Variants in SCMH1 observed in about 807,000 individuals in gnomAD.
SCMH1 encodes the protein Scm polycomb group protein homolog 1.
A neutral mutation model predicts 70.8 loss-of-function variants in SCMH1; 37 were observed. The ratio of observed to expected loss-of-function variants is 0.52; its 90% CI spans 0.40 to 0.69. The LOEUF (loss-of-function observed/expected upper bound fraction) is 0.69. SCMH1 is among the 30% of genes least tolerant of loss of function. The pLI is 0.00. For missense variants in SCMH1, 607 were observed against 827.3 expected, an observed-to-expected ratio of 0.73 and a Z score of 3.27; for synonymous variants, 292 against 307.4, an observed-to-expected ratio of 0.95 and a Z score of 0.52.
At chr1:41,122,038 A>G (rs1672077739) in intron 6 of SCMH1, among the ~76,000 whole-genome samples, 1 of 152,004 alleles carries the variant, frequency 6.6e-6, no homozygotes, top group Non-Finnish European at 1.5e-5. Flanking sequence ...TGCCTAGACA[A>G]CTCCAACAGC....
rs192552745 is a variant in SCMH1, at chr1:41,229,029, C to G, written c.-118+13030G>C. On this transcript the variant is annotated intron_variant, in intron 1 of 14. Transcript: ENST00000337495. ...TGACCAACACGGTGAAACCGTATCTCTACTAAAAAGACAAAAACTAGCCAG... is the reference window on the plus strand; with the variant it reads ...TGACCAACACGGTGAAACCGTATCTGTACTAAAAAGACAAAAACTAGCCAG... Among the ~76,000 whole-genome samples the G allele has an allele frequency of 2.0e-5, 3 of 152,150 alleles. No individual in the cohort carries two copies. The East Asian group carries it at 5.8e-4, about 30-fold the overall frequency.
At chr1:41,168,760 A>C (rs1646589739) in intron 2 of SCMH1, among the ~76,000 whole-genome samples, 1 of 151,642 alleles carries the variant, frequency 6.6e-6, no homozygotes, top group Non-Finnish European at 1.5e-5. Context: ...GAAGGATCTC[A>C]CCAATCCATC....
At chr1:41,065,349 G>A (rs1654231989) in intron 10 of SCMH1, among the ~76,000 whole-genome samples, 1 of 152,088 alleles carries the variant, frequency 6.6e-6, no homozygotes, top group East Asian at 1.9e-4. Flanking sequence ...TGTGCCTGTA[G>A]TCCCAGCTAC....
chr1:41,217,046 G>A (rs1658237619), intron 1 of SCMH1, among the ~76,000 whole-genome samples: 1 of 152,154 alleles, frequency 6.6e-6, no homozygotes, highest in South Asian at 2.1e-4. Flanking sequence ...AAGTGGCTTT[G>A]GAATGGGGTA....
At chr1:41,240,027 A>T (rs1368834229) in intron 1 of SCMH1, among the ~76,000 whole-genome samples, 1 of 152,228 alleles carries the variant, frequency 6.6e-6, no homozygotes, top group Non-Finnish European at 1.5e-5. Flanking sequence ...GCAAGGAAGG[A>T]ATCAGGGCCT....
chr1:41,083,231 G>A (rs1166377067), intron 8 of SCMH1, among the ~76,000 whole-genome samples: 1 of 152,118 alleles, frequency 6.6e-6, no homozygotes, highest in Non-Finnish European at 1.5e-5. Context: ...AAACCCCATT[G>A]TCTCAGCCCA....
At chr1:41,092,167 A>T (rs2149033426) in intron 8 of SCMH1, among the ~76,000 whole-genome samples, 1 of 152,350 alleles carries the variant, frequency 6.6e-6, no homozygotes, top group African/African-American at 2.4e-5. Context: ...AGTGGTACCA[A>T]AACAGAGGTA....
chr1:41,142,953 G>T, exon 6 of SCMH1: 1 of 1,614,052 alleles, frequency 6.2e-7, no homozygotes, highest in Non-Finnish European at 8.5e-7. Context: ...TCAACCAGCC[G>T]CCAGAAGTCA....
chr1:41,106,349 T>C (rs1184806761), intron 8 of SCMH1, among the ~76,000 whole-genome samples: 1 of 151,632 alleles, frequency 6.6e-6, no homozygotes, highest in African/African-American at 2.4e-5. Flanking sequence ...TGTAAAAGTG[T>C]GACACCCCCC....
intron 5 of SCMH1, among the ~76,000 whole-genome samples, chr1:41,149,371 A>G (rs1469133991): frequency 3.9e-5 from 6 of 152,112 alleles, no homozygotes; most frequent in Admixed American, 3.9e-4. Context: ...AATATCTTCC[A>G]TGTCTCTGCT....
At chr1:41,147,005 T>C (rs1644645138) in intron 5 of SCMH1, among the ~76,000 whole-genome samples, 1 of 152,186 alleles carries the variant, frequency 6.6e-6, no homozygotes. Context: ...TGAACCATTC[T>C]GCATTTTCAC....
intron 2 of SCMH1, among the ~76,000 whole-genome samples, chr1:41,171,158 A>G (rs1646757051): frequency 2.0e-5 from 3 of 152,182 alleles, no homozygotes; most frequent in Admixed American, 2.0e-4. Context: ...AGAGATCAAC[A>G]TTGAGCCCCT....
Position 41,125,322 on chromosome 1 carries a change from TCTTC to T in SCMH1, c.413-8316_413-8313del, listed in dbSNP as rs545193233. 9.5e-4 allele frequency among the ~76,000 whole-genome samples: 145 copies of T among 152,196 alleles called. 1 individual carries two copies. In the Middle Eastern group the frequency reaches 0.02, roughly 21 times the overall value. On this transcript the variant is annotated intron_variant, in intron 6 of 14. Transcript: ENST00000337495. ...CCTAGACTTCCCGGGCTCAGCTGAT[TCTTC>T]CTTTTCAGCCTCCTGAGTAGCCGGC...
intron 1 of SCMH1, among the ~76,000 whole-genome samples, chr1:41,200,626 A>G (rs1352404512): frequency 1.3e-5 from 2 of 151,728 alleles, no homozygotes; most frequent in African/African-American, 2.4e-5. Flanking sequence ...AACATACTAA[A>G]TTAGTCTCAT....
At chr1:41,106,311 C>T (rs909660838) in intron 8 of SCMH1, among the ~76,000 whole-genome samples, 2 of 151,454 alleles carry the variant, frequency 1.3e-5, no homozygotes, top group African/African-American at 4.9e-5. Context: ...TGGTTCTGTC[C>T]TTGAGATAGT....
At chr1:41,081,687 G>A (rs1261449880) in intron 8 of SCMH1, among the ~76,000 whole-genome samples, 1 of 152,090 alleles carries the variant, frequency 6.6e-6, no homozygotes, top group Non-Finnish European at 1.5e-5. Flanking sequence ...GGGCATGGTG[G>A]TGCACACCTG....
chr1:41,112,544 T>C (rs1302739980), intron 8 of SCMH1, among the ~76,000 whole-genome samples: 1 of 152,008 alleles, frequency 6.6e-6, no homozygotes, highest in Non-Finnish European at 1.5e-5. Flanking sequence ...GTTAGTTTTA[T>C]AATAATGATA....
chr1:41,084,259 T>C (rs1166268438), intron 8 of SCMH1, among the ~76,000 whole-genome samples: 1 of 152,050 alleles, frequency 6.6e-6, no homozygotes, highest in Non-Finnish European at 1.5e-5. Context: ...GAATCTACAA[T>C]GAACTTAAAC....
chr1:41,152,907 G>C (rs1457099669), intron 4 of SCMH1, among the ~76,000 whole-genome samples: 1 of 152,156 alleles, frequency 6.6e-6, no homozygotes, highest in African/African-American at 2.4e-5. Flanking sequence ...AGTCAGTTCT[G>C]AACTATTTCA....
Sources: gnomAD v4.1 joint callset for allele counts (sites outside exome capture counted in the v4.1 genomes callset) on GRCh38, gnomAD v4.1.1 for gene constraint, MANE v1.5 for transcripts, NCBI Gene and HGNC (gene_info 2026-07-23, HGNC 2026-07-21) for gene names.